The following ECT2L variants were observed in gnomAD, a reference collection of about 807,000 sequenced individuals.
The protein encoded by ECT2L is epithelial cell transforming 2 like, also known as epithelial cell-transforming sequence 2 oncogene-like.
Under a neutral mutation model 122.8 loss-of-function variants are expected in ECT2L, and 126 were observed. The ratio of observed to expected loss-of-function variants is 1.03; its 90% CI spans 0.89 to 1.19. The LOEUF (loss-of-function observed/expected upper bound fraction) is 1.19. Ranked by LOEUF, ECT2L falls within the 50% of genes most tolerant of loss-of-function variation. The pLI is 0.00. For synonymous variants in ECT2L, 385 were observed against 381.8 expected (o/e 1.01, Z -0.10); for missense variants, 1,012 against 1,064.1 (o/e 0.95, Z 0.68).
rs1409566086 is a variant in ECT2L at position 138,885,521 on chromosome 6, C to T, written c.2044C>T (p.Pro682Ser). Residue 682 changes from proline (P) to serine (S), a missense_variant, in exon 17 of 22, where the codon CCA (proline) becomes TCA (serine). Pro to Ser is a moderately conservative substitution (Grantham distance 74). Transcript: ENST00000541398. ...CACCTTTTAGTGCAGAGAAATGATA[C>T]CAGCATTCCGAACTTTCCTGAAGAG... ...KTIEKCREMIPAFRTFLKRHD... is the reference protein window; with the variant it reads ...KTIEKCREMISAFRTFLKRHD... 3.1e-6 allele frequency: 5 copies of T among 1,614,094 alleles called. No homozygotes were observed. The highest frequency in any genetic ancestry group is 4.2e-6 in the Non-Finnish European group (5 of 1,179,994).
chr6:138,798,137 C>T (rs567217894), intron 1 of ECT2L, among the ~76,000 whole-genome samples: 3 of 152,330 alleles, frequency 2.0e-5, no homozygotes, highest in Middle Eastern at 3.4e-3. Flanking sequence ...AGCCCCTCCA[C>T]ATGTTCAGCT....
At chr6:138,806,511 CTTT>C (rs57786220) in intron 1 of ECT2L, among the ~76,000 whole-genome samples, 2 of 89,674 alleles carry the variant, frequency 2.2e-5, no homozygotes, top group African/African-American at 9.3e-5. Flanking sequence ...AAAATTCACG[CTTT>C]TTTTTTTTTT....
rs1775946797 is a variant in ECT2L at position 138,812,839 on chromosome 6, T to G, written c.-242T>G. 1 of 154,466 alleles carries G rather than the reference T, an allele frequency of 6.5e-6. No homozygotes were observed. The allele number at this position is 154,466 out of a possible 1,614,324, so 9.6% of individuals were successfully genotyped here. On this transcript the variant is annotated splice_region_variant and 5_prime_UTR_variant, in exon 2 of 22. Transcript: ENST00000541398. ...AAATAACAAATTCTTATTTTCCAGGTAAAGAAAAAGTCAACCTCCTTGGCT... is the reference window on the plus strand; with the variant it reads ...AAATAACAAATTCTTATTTTCCAGGGAAAGAAAAAGTCAACCTCCTTGGCT...
intron 9 of ECT2L, among the ~76,000 whole-genome samples, chr6:138,851,482 C>CTT (rs56921189): frequency 0.01 from 1,149 of 109,542 alleles, 13 homozygotes; most frequent in African/African-American, 0.014. Flanking sequence ...TGTGCCTAGC[C>CTT]TTTTTTTTTT....
intron 19 of ECT2L, among the ~76,000 whole-genome samples, chr6:138,887,219 CTTTTCT>C: frequency 9.6e-6 from 1 of 104,592 alleles, no homozygotes; most frequent in East Asian, 2.3e-4. Flanking sequence ...TACTTGTTTT[CTTTTCT>C]TTAATTTTTT....
chr6:138,899,676 TAA>T (rs754400119), intron 20 of ECT2L, among the ~76,000 whole-genome samples: 3 of 152,192 alleles, frequency 2.0e-5, no homozygotes, highest in Non-Finnish European at 4.4e-5. Context: ...TGAAGAAAAA[TAA>T]GAGACCTGAA....
intron 4 of ECT2L, among the ~76,000 whole-genome samples, chr6:138,833,459 G>T (rs560794418): frequency 6.6e-6 from 1 of 152,102 alleles, no homozygotes; most frequent in Non-Finnish European, 1.5e-5. Flanking sequence ...TACGGCCATC[G>T]GTATTTGTCA....
chr6:138,816,973 C>T (rs570906076), intron 4 of ECT2L, among the ~76,000 whole-genome samples: 10 of 152,156 alleles, frequency 6.6e-5, no homozygotes, highest in Non-Finnish European at 1.3e-4. Flanking sequence ...CCCTCTAGAT[C>T]TGGGCAAACA....
At chr6:138,852,419 C>T (rs1236406507) in intron 9 of ECT2L, among the ~76,000 whole-genome samples, 1 of 151,380 alleles carries the variant, frequency 6.6e-6, no homozygotes. Flanking sequence ...TGCATTGTTC[C>T]TTGCTTATAC....
At chr6:138,805,309 A>G (rs1775678696) in intron 1 of ECT2L, among the ~76,000 whole-genome samples, 1 of 152,122 alleles carries the variant, frequency 6.6e-6, no homozygotes, top group Non-Finnish European at 1.5e-5. Flanking sequence ...GTCCACATGT[A>G]TATTTTTTCC....
chr6:138,901,132 T>G lies in ECT2L; in HGVS notation c.2587+12T>G, dbSNP rs749100839. On this transcript the variant is annotated intron_variant, in intron 21 of 21. Transcript: ENST00000541398. ...TCCAGATTCCAAGTGTATGTATTCT[T>G]TTCCTTCCAAGAGACAGATACCTTC... 2.5e-6 allele frequency: 4 copies of G among 1,612,784 alleles called. No individual in the cohort carries two copies. The highest frequency in any genetic ancestry group is 3.4e-6 in the Non-Finnish European group (4 of 1,179,166).
rs867696470 is a variant in ECT2L, at chr6:138,903,405, T to C, written c.*778T>C. 4 of 151,836 alleles carry C rather than the reference T, an allele frequency of 2.6e-5. No individual in the cohort carries two copies. Among genetic ancestry groups the C allele is most frequent in the African/African-American group, 9.7e-5 (4 of 41,332 alleles). 9.4% of individuals were successfully genotyped at this position (151,836 alleles called of 1,614,324 possible). On this transcript the variant is annotated 3_prime_UTR_variant, in exon 22 of 22. Transcript: ENST00000541398. ...AAGGACAAGAAATACAAATGGCAAT[T>C]TACTCAAAAACTTGTCACACTTATC...
chr6:138,800,850 G>T (rs1775517449), intron 1 of ECT2L, among the ~76,000 whole-genome samples: 1 of 152,182 alleles, frequency 6.6e-6, no homozygotes, highest in Non-Finnish European at 1.5e-5. Flanking sequence ...TCACAGTTCT[G>T]GAGGTTGGTA....
chr6:138,885,473 T>C (rs1778785992), intron 16 of ECT2L, 33 bp from the exon 17 acceptor site: 1 of 1,608,170 alleles, frequency 6.2e-7, no homozygotes, highest in African/African-American at 1.3e-5. Flanking sequence ...AACTATCTCA[T>C]AAAGTTTTGA....
At chr6:138,888,249 C>T (rs567675405) in intron 19 of ECT2L, among the ~76,000 whole-genome samples, 86 of 152,150 alleles carry the variant, frequency 5.7e-4, no homozygotes, top group African/African-American at 2.0e-3. Flanking sequence ...GAGCTCATCC[C>T]CATGACTAGA....
intron 10 of ECT2L, among the ~76,000 whole-genome samples, chr6:138,859,450 C>T (rs1777741544): frequency 6.6e-6 from 1 of 152,182 alleles, no homozygotes; most frequent in African/African-American, 2.4e-5. Context: ...TTTATGAAAA[C>T]ACCAGCTAAA....
intron 1 of ECT2L, among the ~76,000 whole-genome samples, chr6:138,806,404 G>A (rs368787588): frequency 3.9e-5 from 6 of 151,918 alleles, no homozygotes; most frequent in Non-Finnish European, 7.4e-5. Flanking sequence ...ATGGATTGGG[G>A]TGCTATGGGA....
At chr6:138,832,219 C>T (rs1300949563) in intron 4 of ECT2L, among the ~76,000 whole-genome samples, 1 of 149,642 alleles carries the variant, frequency 6.7e-6, no homozygotes, top group African/African-American at 2.5e-5. Flanking sequence ...TTCAAACATT[C>T]ACTCCTATTA....
At chr6:138,797,184 T>C (rs1214803320) in intron 1 of ECT2L, among the ~76,000 whole-genome samples, 2 of 152,204 alleles carry the variant, frequency 1.3e-5, no homozygotes, top group African/African-American at 2.4e-5. Flanking sequence ...TATACTGGCA[T>C]GTAGTTTTAC....
Sources: gnomAD v4.1 joint callset for allele counts (sites outside exome capture counted in the v4.1 genomes callset) on GRCh38, gnomAD v4.1.1 for gene constraint, MANE v1.5 for transcripts, NCBI Gene and HGNC (gene_info 2026-07-23, HGNC 2026-07-21) for gene names.